INSL6: variants seen among roughly 807,000 people sequenced by gnomAD.
INSL6 encodes insulin-like peptide INSL6.
In INSL6, 16 loss-of-function variants were observed where a neutral mutation model predicts 9.4. That is an observed-to-expected ratio of 1.70 (90% CI 1.15 to 2.59). The LOEUF is 2.59. INSL6 is among the 30% of genes most tolerant of loss of function. INSL6 has a pLI of 0.00. For missense variants in INSL6, 391 were observed against 257.3 expected (o/e 1.52, Z -3.56); for synonymous variants, 154 against 96.9 (o/e 1.59, Z -3.46).
the INSL6 span, among the ~76,000 whole-genome samples, chr9:5,036,965 T>C: frequency 6.6e-6 from 1 of 152,376 alleles, no homozygotes; most frequent in East Asian, 1.9e-4. Flanking sequence ...TCTACTCATC[T>C]GATAAAGGGC....
chr9:5,139,025 A>G (rs1824438630), intron 2 of INSL6, among the ~76,000 whole-genome samples: 1 of 152,174 alleles, frequency 6.6e-6, no homozygotes, highest in African/African-American at 2.4e-5. Context: ...TATTAAAACC[A>G]TATGTTATAT....
the INSL6 span, among the ~76,000 whole-genome samples, chr9:5,058,993 G>C: frequency 2.0e-5 from 3 of 151,982 alleles, no homozygotes; most frequent in Non-Finnish European, 4.4e-5. Context: ...TTTTCACTAT[G>C]TTGCTTGTGT....
In INSL6 at chr9:5,185,498, C is replaced by G. The variant is rs374288687; in HGVS notation, c.105G>C (p.Arg35Ser). Residue 35 changes from arginine (R) to serine (S), a missense_variant, in exon 1 of 2, where the codon AGG becomes AGC. Transcript: ENST00000381641. ...GTTTTTCTATTTCTTTCACCAAGTA[C>G]CTGCCGCACAGCTTCCTGGCACTGC... Reference protein sequence around the residue: ...DISSARKLCGRYLVKEIEKLC... With the variant: ...DISSARKLCGSYLVKEIEKLC... The G allele has an allele frequency of 1.2e-6, 2 of 1,614,094 alleles. No individual in the cohort carries two copies. Among genetic ancestry groups the G allele is most frequent in the African/African-American group, 2.7e-5 (2 of 74,940 alleles).
At chr9:5,056,365 A>G in the INSL6 span, among the ~76,000 whole-genome samples, 1 of 152,030 alleles carries the variant, frequency 6.6e-6, no homozygotes, top group Non-Finnish European at 1.5e-5. Context: ...TTTCTCATTT[A>G]TCTTCTCTGT....
the INSL6 span, among the ~76,000 whole-genome samples, chr9:5,106,493 G>A: frequency 9.2e-5 from 14 of 152,168 alleles, no homozygotes; most frequent in African/African-American, 1.7e-4. Context: ...ACAGTGTGGC[G>A]ACTCCTCAAG....
the INSL6 span, among the ~76,000 whole-genome samples, chr9:5,021,313 A>C: frequency 6.6e-6 from 1 of 151,946 alleles, no homozygotes; most frequent in African/African-American, 2.4e-5. Flanking sequence ...GTACCAGATA[A>C]CTCTAGTCAA....
chr9:5,073,051 G>T, the INSL6 span, among the ~76,000 whole-genome samples: 1 of 152,210 alleles, frequency 6.6e-6, no homozygotes, highest in Non-Finnish European at 1.5e-5. Context: ...GATGCTAGCT[G>T]GCAGACCCCG....
At chr9:5,090,437 TGTTAA>T in the INSL6 span, 1 of 1,524,696 alleles carries the variant, frequency 6.6e-7, no homozygotes, top group Non-Finnish European at 8.9e-7. Flanking sequence ...TCCACCTTTA[TGTTAA>T]AAGGTCGGCG....
the INSL6 span, among the ~76,000 whole-genome samples, chr9:5,008,269 C>G: frequency 6.6e-6 from 1 of 152,130 alleles, no homozygotes; most frequent in East Asian, 1.9e-4. Context: ...TGTATGATTT[C>G]ATTAATAATT....
At chr9:4,995,339 T>C in the INSL6 span, among the ~76,000 whole-genome samples, 5 of 152,316 alleles carry the variant, frequency 3.3e-5, no homozygotes, top group Admixed American at 2.0e-4. Context: ...GTAGATAGTG[T>C]GATTTTGTTG....
chr9:5,156,684 G>C (rs537309943), intron 2 of INSL6, among the ~76,000 whole-genome samples: 4 of 152,070 alleles, frequency 2.6e-5, no homozygotes, highest in African/African-American at 9.7e-5. Flanking sequence ...GCAATGCAAT[G>C]AGTCAATAAA....
intron 2 of INSL6, among the ~76,000 whole-genome samples, chr9:5,142,478 G>C (rs1824520149): frequency 6.6e-6 from 1 of 152,110 alleles, no homozygotes; most frequent in Non-Finnish European, 1.5e-5. Flanking sequence ...ATGGGAGTTT[G>C]TTCCCGATTT....
the INSL6 span, chr9:5,113,759 CAGCT>C: frequency 6.0e-6 from 1 of 166,912 alleles, no homozygotes; most frequent in South Asian, 1.6e-4. Flanking sequence ...CATCACCAGC[CAGCT>C]GACTGCCTCG....
rs577610652 is a variant in INSL6 at position 5,126,229 on chromosome 9, A to G, written c.*11-1718T>C. 2.7e-5 allele frequency: 19 copies of G among 693,172 alleles called. No homozygotes were observed. The African/African-American group carries it at 3.3e-4, about 12-fold the overall frequency. 42.9% of individuals were successfully genotyped at this position (693,172 alleles called of 1,614,324 possible). On this transcript the variant is annotated intron_variant, in intron 3 of 3. Coordinates refer to the INSL6 transcript ENST00000649639. ...TTTGAAAAGGTTTGAAAACATACAAAAGCACACATATACTAAATTTTTTCC... is the reference window on the plus strand; with the variant it reads ...TTTGAAAAGGTTTGAAAACATACAAGAGCACACATATACTAAATTTTTTCC...
the INSL6 span, among the ~76,000 whole-genome samples, chr9:5,063,367 G>C: frequency 6.6e-6 from 1 of 152,066 alleles, no homozygotes; most frequent in Non-Finnish European, 1.5e-5. Flanking sequence ...TTCTTTTCTG[G>C]AGAAGTACCT....
At chr9:5,114,112 C>G in the INSL6 span, 1 of 358,048 alleles carries the variant, frequency 2.8e-6, no homozygotes, top group Non-Finnish European at 5.6e-6. Flanking sequence ...CACACCTACA[C>G]CTGCCAGGTC....
chr9:5,029,848 C>A, the INSL6 span: 1 of 1,611,344 alleles, frequency 6.2e-7, no homozygotes, highest in East Asian at 2.2e-5. Flanking sequence ...CTGGTATCCA[C>A]CCAACCATGT....
the INSL6 span, among the ~76,000 whole-genome samples, chr9:5,107,014 A>G: frequency 6.6e-6 from 1 of 152,214 alleles, no homozygotes; most frequent in Non-Finnish European, 1.5e-5. Flanking sequence ...CATGTACCCT[A>G]GAACTTAAAG....
At chr9:5,043,250 T>A in the INSL6 span, among the ~76,000 whole-genome samples, 1 of 151,814 alleles carries the variant, frequency 6.6e-6, no homozygotes, top group African/African-American at 2.4e-5. Context: ...CTTTACCAAG[T>A]GTACGGAAAT....
Sources: allele counts gnomAD v4.1 joint callset (sites outside exome capture counted in the v4.1 genomes callset), GRCh38; gene constraint gnomAD v4.1.1; transcripts MANE v1.5; gene names NCBI Gene and HGNC (gene_info 2026-07-23, HGNC 2026-07-21).